Variants in LAMA2 observed in about 807,000 individuals in gnomAD.
The protein encoded by LAMA2 is laminin subunit alpha 2.
Under a neutral mutation model 364.8 loss-of-function variants are expected in LAMA2, and 269 were observed. The ratio of observed to expected loss-of-function variants is 0.74; its 90% CI spans 0.67 to 0.82. LAMA2 has a LOEUF of 0.82. LAMA2 is among the 40% of genes least tolerant of loss of function. LAMA2 has a pLI of 0.00. For missense variants in LAMA2, 3,807 were observed against 3,873.2 expected (o/e 0.98, Z 0.45); for synonymous variants, 1,379 against 1,370.6 (o/e 1.01, Z -0.14).
chr6:129,476,887 G>A (rs915042784), intron 53 of LAMA2, among the ~76,000 whole-genome samples: 2 of 152,130 alleles, frequency 1.3e-5, no homozygotes, highest in East Asian at 1.9e-4. Flanking sequence ...AAAGGAGTGC[G>A]GGGGTGGAAA....
rs1780150761 is a variant in LAMA2 at position 129,171,506 on chromosome 6, A to C, written c.1306+5831A>C. Among the ~76,000 whole-genome samples the C allele has an allele frequency of 2.6e-5, 4 of 151,758 alleles. 1 individual carries two copies. The South Asian group carries it at 8.3e-4, about 32-fold the overall frequency. On this transcript the variant is annotated intron_variant, in intron 9 of 64. Coordinates refer to ENST00000421865, the MANE Select transcript of LAMA2 (RefSeq NM_000426.4). ...TTAAGAATGTTGAATATTGGCCCCC[A>C]CTCTCTTCCGGCTTGTAGAGTTTCT...
At chr6:129,085,689 A>G (rs913818754) in intron 3 of LAMA2, among the ~76,000 whole-genome samples, 1 of 152,180 alleles carries the variant, frequency 6.6e-6, no homozygotes, top group African/African-American at 2.4e-5. Context: ...TGTGAGTTCC[A>G]CGGGTCCTTT....
chr6:129,027,230 G>A (rs1785886344), intron 1 of LAMA2, among the ~76,000 whole-genome samples: 1 of 152,030 alleles, frequency 6.6e-6, no homozygotes, highest in African/African-American at 2.4e-5. Flanking sequence ...CAAGGTGAAT[G>A]TTCCAAGGAT....
At chr6:129,130,122 G>A (rs1041644460) in intron 4 of LAMA2, among the ~76,000 whole-genome samples, 4 of 152,096 alleles carry the variant, frequency 2.6e-5, no homozygotes, top group African/African-American at 9.7e-5. Flanking sequence ...AGAAAAGAAG[G>A]TGGATTATCA....
chr6:129,221,937 GT>G (rs1783880711), intron 12 of LAMA2, among the ~76,000 whole-genome samples: 1 of 152,146 alleles, frequency 6.6e-6, no homozygotes. Flanking sequence ...TTAGTGATAG[GT>G]TCTCAGATGA....
chr6:128,961,341 A>ATG (rs1464128861), intron 1 of LAMA2, among the ~76,000 whole-genome samples: 3 of 51,120 alleles, frequency 5.9e-5, no homozygotes, highest in Non-Finnish European at 1.1e-4. Flanking sequence ...ATATATATAT[A>ATG]TATATATATA....
At chr6:129,043,686 T>A (rs1787264627) in intron 1 of LAMA2, among the ~76,000 whole-genome samples, 1 of 152,178 alleles carries the variant, frequency 6.6e-6, no homozygotes, top group Non-Finnish European at 1.5e-5. Flanking sequence ...GTCTAGTATT[T>A]TTTTTTAATT....
Position 129,325,136 on chromosome 6 carries a change from C to T in LAMA2, c.4177-3142C>T, listed in dbSNP as rs912336361. ...GTCTGCTTCATTCTCTCCTCTCTAC[C>T]CTCCCACATTTTTGTGTAAATTTAA... On this transcript the variant is annotated intron_variant, in intron 28 of 64. Transcript: ENST00000421865. Among the ~76,000 whole-genome samples, 7 of 152,228 alleles carry T rather than the reference C, an allele frequency of 4.6e-5. No homozygotes were observed. In the South Asian group the frequency reaches 1.5e-3, roughly 32 times the overall value.
In LAMA2 at chr6:128,920,271, C is replaced by T. The variant is rs541673711; in HGVS notation, c.112+36914C>T. ...CTCCCGGGTTCAAGCGATTCTCCTT[C>T]CTCAGCCTCTAGAGTAGCTGGGACT... On this transcript the variant is annotated intron_variant, in intron 1 of 64. Transcript: ENST00000421865. Among the ~76,000 whole-genome samples the T allele has an allele frequency of 2.0e-5, 3 of 152,078 alleles. No individual in the cohort carries two copies. In the East Asian group the frequency reaches 5.8e-4, roughly 30 times the overall value.
chr6:129,047,380 G>A (rs1787591933), intron 1 of LAMA2, among the ~76,000 whole-genome samples: 1 of 152,072 alleles, frequency 6.6e-6, no homozygotes, highest in Non-Finnish European at 1.5e-5. Flanking sequence ...AGATGAGGGG[G>A]GAATAAATGT....
Position 129,165,659 on chromosome 6 carries a change from G to A in LAMA2, c.1290G>A (p.Glu430=), listed in dbSNP as rs574880101. 5.6e-6 allele frequency: 9 copies of A among 1,609,278 alleles called. No individual in the cohort carries two copies. The African/African-American group carries it at 1.2e-4, about 21-fold the overall frequency. Residue 430 remains glutamate, a synonymous_variant, in exon 9 of 65, where the codon GAG becomes GAA. Coordinates refer to ENST00000421865, the MANE Select transcript of LAMA2 (RefSeq NM_000426.4). Reference sequence around the variant, plus strand: ...TAAATGAAGTCTGTGTCAAGGATGAGAAACATGCTCGACGAGGTGAGAGCT... The same window carrying A: ...TAAATGAAGTCTGTGTCAAGGATGAAAAACATGCTCGACGAGGTGAGAGCT... ...GSLNEVCVKD[E]KHARRGLAPG...
At chr6:128,953,642 T>C (rs1475855230) in intron 1 of LAMA2, among the ~76,000 whole-genome samples, 3 of 151,822 alleles carry the variant, frequency 2.0e-5, no homozygotes, top group Non-Finnish European at 4.4e-5. Context: ...TGTCTATATA[T>C]ATATGTATGG....
At chr6:128,951,148 A>G (rs973145546) in intron 1 of LAMA2, among the ~76,000 whole-genome samples, 54 of 152,272 alleles carry the variant, frequency 3.5e-4, no homozygotes, top group African/African-American at 1.2e-3. Context: ...CCAGTCAAGC[A>G]TTGACTTTGA....
chr6:129,438,497 A>G lies in LAMA2; in HGVS notation c.5969-149A>G, dbSNP rs540320664. The G allele has an allele frequency of 4.5e-5, 24 of 536,914 alleles. No homozygotes were observed. The South Asian group carries it at 5.0e-4, about 11-fold the overall frequency. 33.3% of individuals were successfully genotyped at this position (536,914 alleles called of 1,614,324 possible). A position where few individuals can be genotyped will look rare whatever the true frequency, so the allele number is the denominator to read the frequency against. ...CACATATTTTTAAAATATGATTGGA[A>G]ATATATTTATGTATAGATGCCAATA... is the stretch of plus-strand genomic sequence containing the variant. On this transcript the variant is annotated intron_variant, in intron 41 of 64. Transcript: ENST00000421865.
chr6:129,019,384 C>T (rs9492198), intron 1 of LAMA2, among the ~76,000 whole-genome samples: 3,735 of 151,270 alleles, frequency 0.025, 142 homozygotes, highest in African/African-American at 0.086. Flanking sequence ...TTTTTTGAAA[C>T]TCCCATGAGT....
At chr6:129,194,009 A>G (rs1781691335) in intron 12 of LAMA2, among the ~76,000 whole-genome samples, 1 of 152,174 alleles carries the variant, frequency 6.6e-6, no homozygotes, top group Admixed American at 6.5e-5. Context: ...TTTAAGAGAC[A>G]GAGTATGTTG....
chr6:129,453,930 C>T (rs1277553424), intron 46 of LAMA2, among the ~76,000 whole-genome samples: 1 of 144,406 alleles, frequency 6.9e-6, no homozygotes, highest in South Asian at 2.3e-4. Context: ...AACAAACATG[C>T]CTGAGCATTA....
At chr6:128,926,421 T>C (rs1779104264) in intron 1 of LAMA2, among the ~76,000 whole-genome samples, 2 of 152,168 alleles carry the variant, frequency 1.3e-5, no homozygotes, top group Non-Finnish European at 2.9e-5. Flanking sequence ...CTCAGATATG[T>C]ATAATTCTTT....
At chr6:129,156,569 A>G (rs1253647617) in intron 8 of LAMA2, among the ~76,000 whole-genome samples, 6 of 151,924 alleles carry the variant, frequency 3.9e-5, no homozygotes, top group Non-Finnish European at 2.9e-5. Context: ...TACTGAGAAT[A>G]AAGAATACAG....
Sources: allele counts gnomAD v4.1 joint callset (sites outside exome capture counted in the v4.1 genomes callset), GRCh38; gene constraint gnomAD v4.1.1; transcripts MANE v1.5; gene names NCBI Gene and HGNC (gene_info 2026-07-23, HGNC 2026-07-21).